The following STXBP5L variants were observed in gnomAD, a reference collection of about 807,000 sequenced individuals.
The protein encoded by STXBP5L is syntaxin-binding protein 5-like.
Under a neutral mutation model 144.5 loss-of-function variants are expected in STXBP5L, and 65 were observed. The ratio of observed to expected loss-of-function variants is 0.45; its 90% CI spans 0.37 to 0.55. STXBP5L has a LOEUF of 0.55. STXBP5L is among the 20% of genes least tolerant of loss of function. STXBP5L has a pLI of 0.00. For synonymous variants in STXBP5L, 505 were observed against 469.6 expected, an observed-to-expected ratio of 1.08 and a Z score of -0.97; for missense variants, 1,298 against 1,405.5, an observed-to-expected ratio of 0.92 and a Z score of 1.22.
chr3:121,154,420 T>G (rs1461778083), intron 8 of STXBP5L, among the ~76,000 whole-genome samples: 1 of 151,776 alleles, frequency 6.6e-6, no homozygotes, highest in East Asian at 1.9e-4. Context: ...CTTCCAAGCC[T>G]TTAAATTCCT....
chr3:121,359,902 A>T (rs537143331), intron 20 of STXBP5L, among the ~76,000 whole-genome samples: 5 of 142,938 alleles, frequency 3.5e-5, no homozygotes, highest in Non-Finnish European at 6.1e-5. Context: ...TGGTAATGTG[A>T]TTCCTCCAGT....
chr3:121,391,922 C>A (rs751609811), intron 22 of STXBP5L, among the ~76,000 whole-genome samples: 42 of 152,278 alleles, frequency 2.8e-4, no homozygotes, highest in South Asian at 8.3e-4. Context: ...GCTGGGAGAA[C>A]CACTGCTCTC....
chr3:121,029,868 G>T (rs1291458373), intron 3 of STXBP5L, among the ~76,000 whole-genome samples: 2 of 151,572 alleles, frequency 1.3e-5, no homozygotes, highest in African/African-American at 4.8e-5. Context: ...GTGGGCAAAG[G>T]ATATGAACAG....
At chr3:121,403,657 T>G (rs1274122189) in intron 22 of STXBP5L, among the ~76,000 whole-genome samples, 1 of 152,168 alleles carries the variant, frequency 6.6e-6, no homozygotes, top group Non-Finnish European at 1.5e-5. Flanking sequence ...ATAATATGTG[T>G]GATAAATAAG....
chr3:121,094,674 G>A (rs184431661), intron 5 of STXBP5L, among the ~76,000 whole-genome samples: 57 of 152,232 alleles, frequency 3.7e-4, no homozygotes, highest in Admixed American at 3.5e-3. Context: ...GTCTCTGCAC[G>A]TGAGATGGTT....
At chr3:120,946,870 T>C (rs531045535) in intron 2 of STXBP5L, among the ~76,000 whole-genome samples, 8 of 151,862 alleles carry the variant, frequency 5.3e-5, no homozygotes, top group Admixed American at 2.0e-4. Flanking sequence ...AGTCATTTTG[T>C]TTCCGGTAGT....
At chr3:120,992,142 AACTT>A (rs1443810096) in intron 3 of STXBP5L, among the ~76,000 whole-genome samples, 2 of 152,078 alleles carry the variant, frequency 1.3e-5, no homozygotes, top group Admixed American at 1.3e-4. Context: ...TCTTTAAAAA[AACTT>A]ATTTATTTAT....
rs759747629 is a variant in STXBP5L, at chr3:121,279,909, A to G, written c.2063A>G (p.Tyr688Cys). The change falls in exon 19 of 27, where the codon TAC (tyrosine) becomes TGC (cysteine). Residue 688 changes from tyrosine to cysteine, a missense_variant. Transcript: ENST00000471454. ...TIDLYRSSDL[Y>C]QRQPRSPRKN... is the part of the protein sequence containing the mutation. Reference sequence around the variant, plus strand: ...GACCTATATAGATCAAGTGACTTATACCAGCGACAACCACGGTCTCCTCGA... The same window carrying G: ...GACCTATATAGATCAAGTGACTTATGCCAGCGACAACCACGGTCTCCTCGA... The G allele has an allele frequency of 5.0e-6, 8 of 1,612,462 alleles. No homozygotes were observed. The highest frequency in any genetic ancestry group is 1.3e-5 in the African/African-American group (1 of 74,834).
At chr3:121,021,162 T>TA (rs1003052658) in intron 3 of STXBP5L, among the ~76,000 whole-genome samples, 24 of 151,876 alleles carry the variant, frequency 1.6e-4, no homozygotes, top group African/African-American at 5.1e-4. Context: ...CAACAGCAGT[T>TA]AAAAAAGAGG....
chr3:121,191,783 T>G (rs902847304), intron 9 of STXBP5L, among the ~76,000 whole-genome samples: 1 of 151,888 alleles, frequency 6.6e-6, no homozygotes, highest in African/African-American at 2.4e-5. Context: ...AAAGGATGAG[T>G]TCTTGTCCTT....
intron 5 of STXBP5L, among the ~76,000 whole-genome samples, chr3:121,064,053 A>G (rs746953749): frequency 1.3e-5 from 2 of 152,140 alleles, no homozygotes; most frequent in Non-Finnish European, 2.9e-5. Flanking sequence ...TAACTCCTCC[A>G]GCTAGCTCGG....
intron 20 of STXBP5L, among the ~76,000 whole-genome samples, chr3:121,353,481 T>C (rs1179382776): frequency 1.3e-5 from 2 of 152,226 alleles, no homozygotes; most frequent in Non-Finnish European, 2.9e-5. Context: ...GAGGTGTTTA[T>C]AGTATTCTCC....
chr3:120,967,162 G>C (rs1028023133), intron 3 of STXBP5L, among the ~76,000 whole-genome samples: 1 of 152,132 alleles, frequency 6.6e-6, no homozygotes, highest in African/African-American at 2.4e-5. Context: ...GAAAAGTGCA[G>C]TATTTGGTCG....
intron 20 of STXBP5L, among the ~76,000 whole-genome samples, chr3:121,327,115 T>A (rs2044172698): frequency 6.6e-6 from 1 of 152,136 alleles, no homozygotes. Flanking sequence ...ATCCTTATGA[T>A]GAACCAGGCT....
intron 2 of STXBP5L, among the ~76,000 whole-genome samples, chr3:120,950,311 C>A (rs1250909562): frequency 6.6e-6 from 1 of 151,980 alleles, no homozygotes; most frequent in African/African-American, 2.4e-5. Context: ...GCACTCTTTT[C>A]AAAAATCAAT....
chr3:120,981,521 A>G (rs941989261), intron 3 of STXBP5L, among the ~76,000 whole-genome samples: 3 of 152,014 alleles, frequency 2.0e-5, no homozygotes, highest in Non-Finnish European at 4.4e-5. Flanking sequence ...ATGAATTTTT[A>G]GTTCTAGAAG....
intron 2 of STXBP5L, among the ~76,000 whole-genome samples, chr3:120,943,980 A>G (rs950223614): frequency 6.6e-6 from 1 of 151,464 alleles, no homozygotes; most frequent in Non-Finnish European, 1.5e-5. Context: ...AGAGTTTGGG[A>G]CTGAATTAGT....
At chr3:120,997,489 TATG>T (rs1943443446) in intron 3 of STXBP5L, among the ~76,000 whole-genome samples, 1 of 152,186 alleles carries the variant, frequency 6.6e-6, no homozygotes, top group Admixed American at 6.5e-5. Flanking sequence ...TTCTGACTGG[TATG>T]ATATATTTTA....
At chr3:121,230,926 G>T (rs1239633088) in intron 11 of STXBP5L, among the ~76,000 whole-genome samples, 1 of 152,128 alleles carries the variant, frequency 6.6e-6, no homozygotes, top group African/African-American at 2.4e-5. Context: ...GTTGAAGAAG[G>T]TTAGCTCTAG....
Sources: gnomAD v4.1 joint callset for allele counts (sites outside exome capture counted in the v4.1 genomes callset) on GRCh38, gnomAD v4.1.1 for gene constraint, MANE v1.5 for transcripts, NCBI Gene and HGNC (gene_info 2026-07-23, HGNC 2026-07-21) for gene names.